CDC37L1: variants seen among roughly 807,000 people sequenced by gnomAD.
The protein encoded by CDC37L1 is hsp90 co-chaperone Cdc37-like 1.
A neutral mutation model predicts 45.9 loss-of-function variants in CDC37L1; 32 were observed. That is an observed-to-expected ratio of 0.70 (90% CI 0.53 to 0.94). CDC37L1 has a LOEUF of 0.94. Ranked by LOEUF, CDC37L1 falls within the 40% of genes least tolerant of loss-of-function variation. The pLI, the probability that CDC37L1 is intolerant of heterozygous loss-of-function variation, is 0.00. For missense variants in CDC37L1, 434 were observed against 405.7 expected, an observed-to-expected ratio of 1.07 and a Z score of -0.60; for synonymous variants, 150 against 133.0, an observed-to-expected ratio of 1.13 and a Z score of -0.88.
Position 4,706,481 on chromosome 9 carries a change from T to C in CDC37L1, c.*369T>C, listed in dbSNP as rs565112709. On this transcript the variant is annotated 3_prime_UTR_variant, in exon 7 of 7. Transcript: ENST00000381854. ...CTGCTACAGTCTCTTTTTATATGGA[T>C]ATGTACATGTCCTATTCTACAAAAA... 1.2e-5 allele frequency: 2 copies of C among 165,942 alleles called. No homozygotes were observed. Among genetic ancestry groups the C allele is most frequent in the East Asian group, 1.6e-4 (1 of 6,068 alleles). The allele number at this position is 165,942 out of a possible 1,614,324, so 10.3% of individuals were successfully genotyped here. A position where few individuals can be genotyped will look rare whatever the true frequency, so the allele number is the denominator to read the frequency against.
intron 3 of CDC37L1, among the ~76,000 whole-genome samples, chr9:4,690,025 A>C (rs1841286493): frequency 6.6e-6 from 1 of 152,236 alleles, no homozygotes; most frequent in Non-Finnish European, 1.5e-5. Context: ...TGCCTTGTTC[A>C]GAAGCAATTT....
intron 2 of CDC37L1, among the ~76,000 whole-genome samples, chr9:4,685,982 A>G (rs146779482): frequency 8.4e-4 from 128 of 152,298 alleles, no homozygotes; most frequent in African/African-American, 3.0e-3. Flanking sequence ...GGTTGACATG[A>G]TGAAACCCTG....
At chr9:4,685,676 T>G (rs1841240700) in intron 2 of CDC37L1, among the ~76,000 whole-genome samples, 1 of 152,204 alleles carries the variant, frequency 6.6e-6, no homozygotes, top group Non-Finnish European at 1.5e-5. Context: ...GTGTTGAATA[T>G]CCTTTATTAA....
intron 2 of CDC37L1, among the ~76,000 whole-genome samples, chr9:4,686,521 G>C (rs1563767921): frequency 6.6e-6 from 1 of 152,130 alleles, no homozygotes; most frequent in South Asian, 2.1e-4. Flanking sequence ...CTTCCAGAAG[G>C]AATGTTCAAA....
chr9:4,697,600 A>T (rs1329683846), intron 4 of CDC37L1, among the ~76,000 whole-genome samples, 157 bp from the exon 5 acceptor site: 1 of 152,148 alleles, frequency 6.6e-6, no homozygotes, highest in African/African-American at 2.4e-5. Context: ...AATAATAAAA[A>T]AAAAACTAAG....
intron 2 of CDC37L1, among the ~76,000 whole-genome samples, chr9:4,687,206 G>T (rs975292683): frequency 3.9e-5 from 6 of 152,096 alleles, no homozygotes; most frequent in East Asian, 1.9e-4. Context: ...TGATAACGGG[G>T]TATAAATATG....
chr9:4,687,293 T>G (rs1446307356), intron 2 of CDC37L1, among the ~76,000 whole-genome samples: 1 of 152,214 alleles, frequency 6.6e-6, no homozygotes, highest in Non-Finnish European at 1.5e-5. Context: ...ATTTTATGAC[T>G]TATTTAACTG....
chr9:4,680,882 G>T (rs983248092), intron 1 of CDC37L1, among the ~76,000 whole-genome samples: 22 of 152,184 alleles, frequency 1.4e-4, no homozygotes, highest in African/African-American at 5.3e-4. Context: ...TTGCTTACCA[G>T]TAAGCGTGAC....
intron 2 of CDC37L1, among the ~76,000 whole-genome samples, chr9:4,688,125 G>A (rs545608029): frequency 6.6e-6 from 1 of 152,206 alleles, no homozygotes; most frequent in East Asian, 1.9e-4. Flanking sequence ...TCAGCCTCCC[G>A]AGTAGCCGGG....
chr9:4,697,877 AAAGT>A lies in CDC37L1; in HGVS notation c.747+4_747+7del. 6.2e-7 allele frequency: 1 copy of A among 1,613,296 alleles called. No homozygotes were observed. Among genetic ancestry groups the A allele is most frequent in the South Asian group, 1.1e-5 (1 of 90,990 alleles). ...TTTTCGTTTATTTTTCCAGAAAGCC[AAAGT>A]AAGTAGTTATTTGATATTGATAAAT... On this transcript the variant is annotated splice_donor_variant and coding_sequence_variant, in exon 5 of 7. Transcript: ENST00000381854. LOFTEE classifies it high-confidence loss of function.
At chr9:4,697,974 T>A in intron 5 of CDC37L1, 95 bp downstream of exon 5, 1 of 1,092,170 alleles carries the variant, frequency 9.2e-7, no homozygotes. Context: ...CCAAGCAGGA[T>A]GCCACAGGCT....
chr9:4,682,483 A>G (rs545480250), intron 1 of CDC37L1, among the ~76,000 whole-genome samples: 61 of 151,592 alleles, frequency 4.0e-4, no homozygotes, highest in African/African-American at 1.4e-3. Context: ...ACCCGCCACC[A>G]TGCCCGGCTA....
intron 3 of CDC37L1, among the ~76,000 whole-genome samples, chr9:4,695,220 T>A (rs1458467326): frequency 6.6e-6 from 1 of 152,196 alleles, no homozygotes; most frequent in Non-Finnish European, 1.5e-5. Context: ...GGTCTTGCTC[T>A]GTCACCCAGG....
At chr9:4,687,998 T>A (rs978739919) in intron 2 of CDC37L1, among the ~76,000 whole-genome samples, 2 of 152,154 alleles carry the variant, frequency 1.3e-5, no homozygotes, top group Non-Finnish European at 2.9e-5. Flanking sequence ...CACACATATA[T>A]CGTATGTATT....
chr9:4,695,790 C>T (rs1286427196), intron 3 of CDC37L1, among the ~76,000 whole-genome samples: 1 of 152,098 alleles, frequency 6.6e-6, no homozygotes, highest in Non-Finnish European at 1.5e-5. Flanking sequence ...TGCCACCATG[C>T]CCAGCTTATC....
rs529507371 is a variant in CDC37L1 at position 4,686,588 on chromosome 9, G to T, written c.414+1430G>T. 1.2e-4 allele frequency among the ~76,000 whole-genome samples: 19 copies of T among 152,274 alleles called. No homozygotes were observed. In the South Asian group the frequency reaches 3.5e-3, roughly 28 times the overall value. Reference sequence around the variant, plus strand: ...TCTTCTTTAACACAGTGGTCACAAAGAAAATATTTTCATTTTGTCTCTGCT... The same window carrying T: ...TCTTCTTTAACACAGTGGTCACAAATAAAATATTTTCATTTTGTCTCTGCT... On this transcript the variant is annotated intron_variant, in intron 2 of 6. Coordinates refer to ENST00000381854, the MANE Select transcript of CDC37L1 (RefSeq NM_017913.4).
intron 2 of CDC37L1, among the ~76,000 whole-genome samples, chr9:4,686,246 T>C (rs375917730): frequency 5.9e-5 from 9 of 152,168 alleles, no homozygotes; most frequent in African/African-American, 1.9e-4. Flanking sequence ...CTGGACCAGC[T>C]CTAGTTCTGC....
chr9:4,686,781 A>G (rs1360344853), intron 2 of CDC37L1, among the ~76,000 whole-genome samples: 1 of 152,174 alleles, frequency 6.6e-6, no homozygotes, highest in Non-Finnish European at 1.5e-5. Flanking sequence ...GCACTATCCA[A>G]CTTGATAGCC....
At chr9:4,687,522 T>C (rs931778587) in intron 2 of CDC37L1, among the ~76,000 whole-genome samples, 1 of 151,342 alleles carries the variant, frequency 6.6e-6, no homozygotes, top group Non-Finnish European at 1.5e-5. Flanking sequence ...CTACAAAAAA[T>C]TTAAAAATTA....
Sources: gnomAD v4.1 joint callset for allele counts (sites outside exome capture counted in the v4.1 genomes callset) on GRCh38, gnomAD v4.1.1 for gene constraint, MANE v1.5 for transcripts, NCBI Gene and HGNC (gene_info 2026-07-23, HGNC 2026-07-21) for gene names.